The following NRXN1 variants were observed in gnomAD, a reference collection of about 807,000 sequenced individuals.
The protein encoded by NRXN1 is neurexin-1.
Under a neutral mutation model 150.9 loss-of-function variants are expected in NRXN1, and 39 were observed. The observed-to-expected ratio is 0.26, with a 90% CI of 0.20 to 0.34. The LOEUF (loss-of-function observed/expected upper bound fraction) is 0.34. Ranked by LOEUF, NRXN1 falls within the 10% of genes least tolerant of loss-of-function variation. The pLI, the probability that NRXN1 is intolerant of heterozygous loss-of-function variation, is 1.00. For missense variants in NRXN1, 1,815 were observed against 1,949.9 expected, an observed-to-expected ratio of 0.93 and a Z score of 1.30; for synonymous variants, 924 against 757.0, an observed-to-expected ratio of 1.22 and a Z score of -3.62.
intron 5 of NRXN1, among the ~76,000 whole-genome samples, chr2:50,773,865 C>T (rs996240480): frequency 8.5e-5 from 13 of 152,068 alleles, no homozygotes; most frequent in Admixed American, 7.9e-4. Context: ...TCAACACAAA[C>T]GTCTTTCACT....
At chr2:50,511,931 C>T (rs182000173) in intron 12 of NRXN1, among the ~76,000 whole-genome samples, 4 of 152,168 alleles carry the variant, frequency 2.6e-5, no homozygotes, top group African/African-American at 9.6e-5. Flanking sequence ...AAATTTCATG[C>T]TATAATTTGT....
intron 5 of NRXN1, among the ~76,000 whole-genome samples, chr2:50,816,948 G>A (rs1669020435): frequency 6.6e-6 from 1 of 151,844 alleles, no homozygotes; most frequent in African/African-American, 2.4e-5. Context: ...TATGTTTAAG[G>A]TCTTTGAGTT....
rs866795158 is a variant in NRXN1 at position 50,232,439 on chromosome 2, T to C, written c.3546+4350A>G. On this transcript the variant is annotated intron_variant, in intron 18 of 22. Transcript: ENST00000401669. ...GTGTCACTCTGTTGCCAGGCTGGAG[T>C]ACAGTGGCACGATCTCGGCTCACTG... Among the ~76,000 whole-genome samples, 4 of 141,854 alleles carry C rather than the reference T, an allele frequency of 2.8e-5. No individual in the cohort carries two copies. In the South Asian group the frequency reaches 8.9e-4, roughly 31 times the overall value. 93.1% of individuals were successfully genotyped at this position (141,854 alleles called of 152,430 possible). A position where few individuals can be genotyped will look rare whatever the true frequency, so the allele number is the denominator to read the frequency against.
rs192877939 is a variant in NRXN1 at position 50,363,203 on chromosome 2, A to G, written c.3364+102239T>C. Among the ~76,000 whole-genome samples, 317 of 152,308 alleles carry G rather than the reference A, an allele frequency of 2.1e-3. 1 individual carries two copies. Among genetic ancestry groups the G allele is most frequent in the African/African-American group, 7.3e-3 (304 of 41,550 alleles). The stretch of plus-strand genomic sequence containing the variant: ...TGGACAAAGACTGCATGACTAAAAC[A>G]CCAAAAGCAATGGCAACAAAAGCCA... On this transcript the variant is annotated intron_variant, in intron 17 of 22. Transcript: ENST00000401669.
chr2:50,141,805 A>G (rs1033001766), intron 18 of NRXN1, among the ~76,000 whole-genome samples: 2 of 152,178 alleles, frequency 1.3e-5, no homozygotes, highest in Middle Eastern at 3.4e-3. Context: ...GACAAAACAG[A>G]TGCTGGTGAG....
intron 8 of NRXN1, among the ~76,000 whole-genome samples, chr2:50,585,521 A>G (rs1218208683): frequency 6.6e-6 from 1 of 152,176 alleles, no homozygotes; most frequent in Non-Finnish European, 1.5e-5. Flanking sequence ...ATTTTATGTA[A>G]TTTGTTTTTT....
chr2:50,709,989 G>C (rs1694947955), intron 5 of NRXN1, among the ~76,000 whole-genome samples: 1 of 152,174 alleles, frequency 6.6e-6, no homozygotes, highest in South Asian at 2.1e-4. Flanking sequence ...ACTGCTCAAT[G>C]AGTGAGAAAA....
At chr2:50,804,983 C>A (rs992942048) in intron 5 of NRXN1, among the ~76,000 whole-genome samples, 2 of 152,178 alleles carry the variant, frequency 1.3e-5, no homozygotes. Context: ...GAGCCAGGCT[C>A]TTGGCTGCAT....
chr2:49,937,649 G>A (rs963071334), intron 22 of NRXN1, among the ~76,000 whole-genome samples: 1 of 152,104 alleles, frequency 6.6e-6, no homozygotes, highest in African/African-American at 2.4e-5. Flanking sequence ...GGCCCTCAGC[G>A]CTGATTCTAG....
chr2:50,604,536 A>G (rs993683643), intron 8 of NRXN1, among the ~76,000 whole-genome samples: 2 of 152,070 alleles, frequency 1.3e-5, no homozygotes, highest in Non-Finnish European at 2.9e-5. Flanking sequence ...TTCCAGATAT[A>G]CCCTAAACAC....
chr2:50,398,483 G>C (rs1303153031), intron 17 of NRXN1, among the ~76,000 whole-genome samples: 1 of 151,648 alleles, frequency 6.6e-6, no homozygotes. Context: ...GTTAGGCAGA[G>C]AAAAAAAACA....
At chr2:50,167,516 G>A (rs982006791) in intron 18 of NRXN1, among the ~76,000 whole-genome samples, 4 of 150,738 alleles carry the variant, frequency 2.7e-5, no homozygotes, top group Non-Finnish European at 5.9e-5. Flanking sequence ...AAGCTCCAGT[G>A]AGAATTTAAA....
chr2:50,520,088 C>T (rs1433353012), intron 12 of NRXN1, among the ~76,000 whole-genome samples: 2 of 151,820 alleles, frequency 1.3e-5, no homozygotes, highest in Non-Finnish European at 2.9e-5. Context: ...ATATTAAGTA[C>T]ATAATGTGCC....
At chr2:50,638,452 G>A (rs1208160520) in intron 5 of NRXN1, among the ~76,000 whole-genome samples, 1 of 152,100 alleles carries the variant, frequency 6.6e-6, no homozygotes, top group African/African-American at 2.4e-5. Context: ...TATAAGAGAA[G>A]CAATCAAAAA....
chr2:50,345,237 T>C (rs531263917), intron 17 of NRXN1, among the ~76,000 whole-genome samples: 37 of 152,280 alleles, frequency 2.4e-4, no homozygotes, highest in Non-Finnish European at 8.8e-5. Flanking sequence ...GGATGTGTTT[T>C]TTCTAGTATG....
At chr2:50,596,792 C>G (rs538301711) in intron 8 of NRXN1, among the ~76,000 whole-genome samples, 1 of 151,240 alleles carries the variant, frequency 6.6e-6, no homozygotes, top group African/African-American at 2.4e-5. Context: ...TTTCCCTAGT[C>G]TGCCTGGAAA....
intron 2 of NRXN1, among the ~76,000 whole-genome samples, chr2:51,012,275 G>A (rs918580652): frequency 6.6e-6 from 1 of 151,950 alleles, no homozygotes; most frequent in African/African-American, 2.4e-5. Context: ...AGTGCAAACT[G>A]TTTTATTTTG....
At chr2:50,374,594 T>C (rs900675390) in intron 17 of NRXN1, among the ~76,000 whole-genome samples, 1 of 152,040 alleles carries the variant, frequency 6.6e-6, no homozygotes, top group Admixed American at 6.6e-5. Context: ...CATAAACACA[T>C]AGCACTCCTG....
At chr2:50,121,228 G>T (rs541163181) in intron 18 of NRXN1, among the ~76,000 whole-genome samples, 1 of 152,138 alleles carries the variant, frequency 6.6e-6, no homozygotes, top group African/African-American at 2.4e-5. Context: ...TCGCCATGTT[G>T]GCCAGGCTGG....
Sources: gnomAD v4.1 joint callset for allele counts (sites outside exome capture counted in the v4.1 genomes callset) on GRCh38, gnomAD v4.1.1 for gene constraint, MANE v1.5 for transcripts, NCBI Gene and HGNC (gene_info 2026-07-23, HGNC 2026-07-21) for gene names.